Variants in CRLS1 observed in about 807,000 individuals in gnomAD.
CRLS1 encodes the protein cardiolipin synthase 1, also known as cardiolipin synthase (CMP-forming).
In CRLS1, 24 loss-of-function variants were observed where a neutral mutation model predicts 37.0. The observed-to-expected ratio is 0.65, with a 90% CI of 0.47 to 0.91. The LOEUF is 0.91. CRLS1 is among the 40% of genes least tolerant of loss of function. The probability of loss-of-function intolerance (pLI) is 0.00; values close to 1 mark genes in which losing one functional copy is unlikely to be tolerated. For missense variants in CRLS1, 373 were observed against 395.8 expected (o/e 0.94, Z 0.49); for synonymous variants, 135 against 159.7 (o/e 0.85, Z 1.17).
intron 3 of CRLS1, among the ~76,000 whole-genome samples, chr20:6,027,601 G>A (rs148395664): frequency 0.026 from 3,939 of 151,734 alleles, 83 homozygotes; most frequent in Non-Finnish European, 0.041. Context: ...TTTTAGTAAA[G>A]ATAGGGTTTT....
intron 1 of CRLS1, among the ~76,000 whole-genome samples, chr20:6,009,429 T>C (rs8126068): frequency 0.018 from 2,810 of 152,276 alleles, 89 homozygotes; most frequent in African/African-American, 0.063. Context: ...TTTTTTTTTC[T>C]TTTTTTAATT....
chr20:6,034,576 C>G (rs943713635), intron 6 of CRLS1, 21 bp downstream of exon 6: 4 of 1,512,890 alleles, frequency 2.6e-6, no homozygotes, highest in Admixed American at 1.7e-5. Flanking sequence ...TTTAGAATCA[C>G]TCTCTTAGAA....
chr20:6,034,506 G>T lies in CRLS1; in HGVS notation c.772G>T (p.Ala258Ser). The change falls in exon 6 of 7, where the codon GCA becomes TCA. Residue 258 changes from alanine to serine, a missense_variant. Coordinates refer to ENST00000378863, the MANE Select transcript of CRLS1 (RefSeq NM_019095.6). ...GTTAATCTTGGTGGCAGCTTCTTTG[G>T]CAGCTCCAGTTTTCAACTATGCTGA... is the stretch of plus-strand genomic sequence containing the variant. Reference protein sequence around the residue: ...VQLILVAASLAAPVFNYADSI... With the variant: ...VQLILVAASLSAPVFNYADSI... The T allele has an allele frequency of 6.2e-7, 1 of 1,613,010 alleles. No homozygotes were observed.
chr20:6,006,315 G>A lies in CRLS1; in HGVS notation c.69G>A (p.Thr23=). Residue 23 remains threonine (T), a synonymous_variant, in exon 1 of 7, where the codon ACG becomes ACA. Transcript: ENST00000378863. ...GCGGCGCCGCTTGGGCTCCGGGAACGCGGCCGAGTAAGCGACGCGCCTGCT... is the reference window on the plus strand; with the variant it reads ...GCGGCGCCGCTTGGGCTCCGGGAACACGGCCGAGTAAGCGACGCGCCTGCT... ...ALRGAAWAPG[T]RPSKRRACWA... The A allele has an allele frequency of 7.5e-7, 1 of 1,329,532 alleles. No individual in the cohort carries two copies. Among genetic ancestry groups the A allele is most frequent in the Non-Finnish European group, 9.6e-7 (1 of 1,040,058 alleles). 82.4% of individuals were successfully genotyped at this position (1,329,532 alleles called of 1,614,324 possible).
intron 1 of CRLS1, chr20:6,007,261 G>GC: frequency 6.5e-7 from 1 of 1,541,946 alleles, no homozygotes; most frequent in Non-Finnish European, 8.8e-7. Flanking sequence ...CAGTTGTACA[G>GC]CATGGGTTGA....
At chr20:6,023,257 G>A (rs967502566) in intron 3 of CRLS1, 3 of 152,034 alleles carry the variant, frequency 2.0e-5, no homozygotes, top group Non-Finnish European at 2.9e-5. Context: ...CTTACTCATG[G>A]TATTTTAATT....
intron 3 of CRLS1, among the ~76,000 whole-genome samples, chr20:6,030,976 G>GGACTAA (rs1980121578): frequency 6.6e-6 from 1 of 151,944 alleles, no homozygotes; most frequent in South Asian, 2.1e-4. Context: ...TGATAACTGC[G>GGACTAA]GACTAATAGC....
intron 3 of CRLS1, among the ~76,000 whole-genome samples, chr20:6,017,791 C>G (rs559183248): frequency 6.6e-6 from 1 of 152,342 alleles, no homozygotes; most frequent in East Asian, 1.9e-4. Flanking sequence ...AGTCCAGTAT[C>G]TACTCCATTG....
intron 1 of CRLS1, among the ~76,000 whole-genome samples, chr20:6,009,282 C>T (rs2090100448): frequency 6.6e-6 from 1 of 150,588 alleles, no homozygotes; most frequent in Non-Finnish European, 1.5e-5. Context: ...GAGATTGTGC[C>T]ACTGCACTCC....
In CRLS1 at chr20:6,006,306, T is replaced by C; in HGVS notation, c.60T>C (p.Ala20=). The C allele has an allele frequency of 7.6e-7, 1 of 1,318,656 alleles. No homozygotes were observed. Among genetic ancestry groups the C allele is most frequent in the Non-Finnish European group, 9.7e-7 (1 of 1,035,266 alleles). The allele number at this position is 1,318,656 out of a possible 1,614,324, so 81.7% of individuals were successfully genotyped here. The part of the protein sequence containing the change: ...SWGALRGAAW[A]PGTRPSKRRA... Reference sequence around the variant, plus strand: ...GGGCCCTGCGCGGCGCCGCTTGGGCTCCGGGAACGCGGCCGAGTAAGCGAC... The same window carrying C: ...GGGCCCTGCGCGGCGCCGCTTGGGCCCCGGGAACGCGGCCGAGTAAGCGAC... Residue 20 remains alanine (A), a synonymous_variant, in exon 1 of 7, where the codon GCT becomes GCC. Coordinates refer to ENST00000378863, the MANE Select transcript of CRLS1 (RefSeq NM_019095.6).
intron 6 of CRLS1, among the ~76,000 whole-genome samples, chr20:6,035,519 A>G (rs1332762772): frequency 6.7e-6 from 1 of 149,410 alleles, no homozygotes; most frequent in African/African-American, 2.5e-5. Context: ...TTCCCCTAGG[A>G]ACCCATGAAG....
intron 3 of CRLS1, among the ~76,000 whole-genome samples, chr20:6,028,002 C>T (rs988265343): frequency 3.3e-5 from 5 of 152,280 alleles, no homozygotes; most frequent in Admixed American, 1.3e-4. Flanking sequence ...TCTACTTATT[C>T]TCTTTGTGTT....
At position 6,006,125 on chromosome 20, in the gene CRLS1, T is replaced by A. The variant is rs1444745035; in HGVS notation, c.-122T>A. 3 of 462,880 alleles carry A rather than the reference T, an allele frequency of 6.5e-6. No individual in the cohort carries two copies. Among genetic ancestry groups the A allele is most frequent in the African/African-American group, 2.0e-5 (1 of 48,972 alleles). 28.7% of individuals were successfully genotyped at this position (462,880 alleles called of 1,614,324 possible). A position where few individuals can be genotyped will look rare whatever the true frequency, so the allele number is the denominator to read the frequency against. On this transcript the variant is annotated 5_prime_UTR_variant, in exon 1 of 7. Coordinates refer to ENST00000378863, the MANE Select transcript of CRLS1 (RefSeq NM_019095.6). ...GAGTGTGCTGGGGTGTGTAAAGTAGTATGGAGGCAGCGGTAGCCCAGTGTC... is the reference window on the plus strand; with the variant it reads ...GAGTGTGCTGGGGTGTGTAAAGTAGAATGGAGGCAGCGGTAGCCCAGTGTC...
chr20:6,006,259 C>G lies in CRLS1; in HGVS notation c.13C>G (p.Arg5Gly). ...CGGCCGCAGGGCCATGCTAGCCTTG[C>G]GCGTGGCGCGCGGCTCGTGGGGGGC... The part of the protein sequence containing the change: MLAL[R>G]VARGSWGALR... Residue 5 changes from arginine (R) to glycine (G), a missense_variant, in exon 1 of 7, where the codon CGC becomes GGC. By Grantham distance (125) the Arg-to-Gly change is moderately radical. Coordinates refer to ENST00000378863, the MANE Select transcript of CRLS1 (RefSeq NM_019095.6). The G allele has an allele frequency of 2.4e-6, 3 of 1,249,494 alleles. No individual in the cohort carries two copies. Among genetic ancestry groups the G allele is most frequent in the Non-Finnish European group, 1.0e-6 (1 of 1,000,054 alleles). 77.4% of individuals were successfully genotyped at this position (1,249,494 alleles called of 1,614,324 possible).
intron 1 of CRLS1, chr20:6,006,890 C>G: frequency 1.1e-6 from 1 of 905,338 alleles, no homozygotes; most frequent in Non-Finnish European, 1.3e-6. Context: ...AAGTGAATCC[C>G]CAGTGTTTAG....
chr20:6,018,065 A>C (rs1388576790), intron 3 of CRLS1, among the ~76,000 whole-genome samples: 1 of 151,828 alleles, frequency 6.6e-6, no homozygotes, highest in Non-Finnish European at 1.5e-5. Flanking sequence ...AAAATACAAC[A>C]ATTAGCCATA....
rs143054158 is a variant in CRLS1, at chr20:6,032,069, T to C, written c.718T>C (p.Phe240Leu). Residue 240 changes from phenylalanine to leucine, a missense_variant, in exon 5 of 7, where the codon TTC becomes CTC. Transcript: ENST00000378863. ...TGCCACTGCTAGGTTAAAACCAACA[T>C]TCATCAGCAAGGTAAGAGAATGCAA... is the stretch of plus-strand genomic sequence containing the variant. ...CYATARLKPT[F>L]ISKVNTAVQL... The C allele has an allele frequency of 1.8e-5, 29 of 1,611,362 alleles. No individual in the cohort carries two copies. In the African/African-American group the frequency reaches 2.9e-4, roughly 16 times the overall value.
At chr20:6,033,163 C>T (rs1980303668) in intron 5 of CRLS1, among the ~76,000 whole-genome samples, 1 of 149,172 alleles carries the variant, frequency 6.7e-6, no homozygotes, top group Non-Finnish European at 1.5e-5. Flanking sequence ...AATTTTTGCT[C>T]TTGTTGCCCA....
chr20:6,013,887 A>C (rs1374585702), intron 2 of CRLS1, among the ~76,000 whole-genome samples: 1 of 152,136 alleles, frequency 6.6e-6, no homozygotes, highest in Non-Finnish European at 1.5e-5. Flanking sequence ...ATGTTTATAA[A>C]GGAATGATGT....
Sources: allele counts gnomAD v4.1 joint callset (sites outside exome capture counted in the v4.1 genomes callset), GRCh38; gene constraint gnomAD v4.1.1; transcripts MANE v1.5; gene names NCBI Gene and HGNC (gene_info 2026-07-23, HGNC 2026-07-21).